The following COL15A1 variants were observed in gnomAD, a reference collection of about 807,000 sequenced individuals.
COL15A1 encodes the protein collagen type XV alpha 1 chain, also known as collagen alpha-1(XV) chain.
In COL15A1, 111 loss-of-function variants were observed where a neutral mutation model predicts 165.9. That is an observed-to-expected ratio of 0.67 (90% CI 0.57 to 0.78). The LOEUF is 0.78. Among genes scored for constraint, COL15A1 ranks in the 30% least tolerant of loss-of-function variants. The probability of loss-of-function intolerance (pLI) is 0.00; values close to 1 mark genes in which losing one functional copy is unlikely to be tolerated. For missense variants in COL15A1, 1,745 were observed against 1,789.7 expected, an observed-to-expected ratio of 0.98 and a Z score of 0.45; for synonymous variants, 659 against 674.8, an observed-to-expected ratio of 0.98 and a Z score of 0.36.
At chr9:99,061,121 T>C (rs1315945343) in intron 36 of COL15A1, among the ~76,000 whole-genome samples, 1 of 152,222 alleles carries the variant, frequency 6.6e-6, no homozygotes, top group African/African-American at 2.4e-5. Context: ...AAAATGCTCT[T>C]TGATCTTTGC....
At chr9:98,972,952 G>C (rs1179129169) in intron 2 of COL15A1, among the ~76,000 whole-genome samples, 1 of 152,240 alleles carries the variant, frequency 6.6e-6, no homozygotes, top group Non-Finnish European at 1.5e-5. Context: ...AGGATTCTGA[G>C]TGAGTGACTT....
intron 11 of COL15A1, among the ~76,000 whole-genome samples, chr9:99,017,933 C>T (rs1838965208): frequency 1.3e-5 from 2 of 152,224 alleles, no homozygotes; most frequent in South Asian, 4.1e-4. Context: ...TAATTATCAA[C>T]ACTGACAATC....
At chr9:99,029,652 G>A (rs4743312) in intron 16 of COL15A1, among the ~76,000 whole-genome samples, 50,314 of 152,030 alleles carry the variant, frequency 0.33, 9,493 homozygotes, top group East Asian at 0.65. Flanking sequence ...GGCTGGGTAC[G>A]GTGGCTCACT....
intron 39 of COL15A1, 32 bp downstream of exon 39, chr9:99,063,141 T>C: frequency 1.9e-6 from 3 of 1,564,378 alleles, no homozygotes; most frequent in Non-Finnish European, 2.6e-6. Context: ...AATCTTCAAA[T>C]ACTGAGTGTA....
At chr9:98,987,204 C>T (rs1588503046) in intron 3 of COL15A1, 90 bp from the exon 4 acceptor site, 6 of 1,253,128 alleles carry the variant, frequency 4.8e-6, no homozygotes, top group Admixed American at 3.6e-5. Flanking sequence ...TTTACCTGTT[C>T]GTCTCCATTG....
chr9:98,995,310 G>C (rs1002524249), intron 5 of COL15A1, among the ~76,000 whole-genome samples: 1 of 152,066 alleles, frequency 6.6e-6, no homozygotes, highest in African/African-American at 2.4e-5. Flanking sequence ...CTGCTGCCCT[G>C]GTTCCTGTCT....
At chr9:98,990,104 C>T (rs867607802) in intron 5 of COL15A1, among the ~76,000 whole-genome samples, 6 of 152,218 alleles carry the variant, frequency 3.9e-5, no homozygotes, top group African/African-American at 1.4e-4. Flanking sequence ...CAGGGCTGTG[C>T]ATGCAGCAGA....
intron 13 of COL15A1, among the ~76,000 whole-genome samples, chr9:99,022,719 G>A (rs1408563986): frequency 1.3e-5 from 2 of 152,228 alleles, no homozygotes; most frequent in African/African-American, 4.8e-5. Flanking sequence ...CTCAGGGGGT[G>A]CTCAGTACAC....
intron 6 of COL15A1, among the ~76,000 whole-genome samples, chr9:98,999,709 G>A (rs1838615572): frequency 6.6e-6 from 1 of 151,722 alleles, no homozygotes; most frequent in African/African-American, 2.4e-5. Context: ...TAGTAGAGAT[G>A]GGGTCTCGCT....
chr9:99,032,798 C>T (rs1839229336), intron 16 of COL15A1, among the ~76,000 whole-genome samples: 2 of 152,286 alleles, frequency 1.3e-5, no homozygotes, highest in African/African-American at 4.8e-5. Flanking sequence ...TTAGGTGTGT[C>T]TATTCTGTTA....
At chr9:99,020,782 G>T (rs753422910) in intron 12 of COL15A1, among the ~76,000 whole-genome samples, 1 of 152,218 alleles carries the variant, frequency 6.6e-6, no homozygotes, top group Non-Finnish European at 1.5e-5. Flanking sequence ...CGGGCTCTGG[G>T]CTCTGCCCCT....
In COL15A1 at chr9:98,944,266, G is replaced by T. The variant is rs1588484550; in HGVS notation, c.100+16G>T. 1 of 1,611,386 alleles carries T rather than the reference G, an allele frequency of 6.2e-7. No homozygotes were observed. The highest frequency in any genetic ancestry group is 2.2e-5 in the East Asian group (1 of 44,752). ...GGTGCGACAGGTAAGCAACCCGGTC[G>T]GAGGGTGGCACCGGCTGCCTCCGCG... is the stretch of plus-strand genomic sequence containing the variant. On this transcript the variant is annotated intron_variant, in intron 2 of 41. Transcript: ENST00000375001.
intron 15 of COL15A1, among the ~76,000 whole-genome samples, chr9:99,025,560 C>CGTCT (rs1839109513): frequency 2.0e-5 from 3 of 152,196 alleles, no homozygotes; most frequent in South Asian, 4.1e-4. Flanking sequence ...AGTCAAGAAG[C>CGTCT]GTCTGTACAG....
intron 31 of COL15A1, 102 bp downstream of exon 31, chr9:99,052,535 G>A (rs748406950): frequency 1.2e-5 from 11 of 946,788 alleles, no homozygotes; most frequent in Non-Finnish European, 1.9e-5. Context: ...GGTCAGGAAG[G>A]TCTAACTGGA....
At position 99,005,036 on chromosome 9, in the gene COL15A1, G is replaced by A. The variant is rs765633564; in HGVS notation, c.1339G>A (p.Glu447Lys). 6 of 1,608,824 alleles carry A rather than the reference G, an allele frequency of 3.7e-6. No homozygotes were observed. Among genetic ancestry groups the A allele is most frequent in the Non-Finnish European group, 5.1e-6 (6 of 1,177,622 alleles). The change falls in exon 9 of 42, where the codon GAA becomes AAA. Residue 447 changes from glutamate to lysine, a missense_variant. Coordinates refer to ENST00000375001, the MANE Select transcript of COL15A1 (RefSeq NM_001855.5). ...CTCCATGTCCGCCCAGAGCCTCGGGGAAGAGGCCACTGTGGTAAGGATCGT... is the reference window on the plus strand; with the variant it reads ...CTCCATGTCCGCCCAGAGCCTCGGGAAAGAGGCCACTGTGGTAAGGATCGT... ...DLSMSAQSLG[E>K]EATVGPSSED...
chr9:99,052,489 G>C (rs368182525), intron 31 of COL15A1, 56 bp downstream of exon 31: 6 of 1,430,930 alleles, frequency 4.2e-6, no homozygotes, highest in Non-Finnish European at 5.9e-6. Context: ...TGAGGAAGAT[G>C]GTTTTCCTTT....
chr9:99,025,073 G>C (rs1399900404), intron 15 of COL15A1, 74 bp downstream of exon 15: 1 of 1,369,274 alleles, frequency 7.3e-7, no homozygotes, highest in East Asian at 2.3e-5. Flanking sequence ...TGTACAGATT[G>C]CAAAACCCAG....
intron 2 of COL15A1, among the ~76,000 whole-genome samples, chr9:98,956,954 C>T (rs375113495): frequency 1.3e-5 from 2 of 152,190 alleles, no homozygotes; most frequent in Non-Finnish European, 2.9e-5. Context: ...TGCTTAAAAC[C>T]CTTTGCCATC....
chr9:99,013,924 GA>G lies in COL15A1; in HGVS notation c.1354-1486del, dbSNP rs955037774. Among the ~76,000 whole-genome samples, 6 of 152,098 alleles carry G rather than the reference GA, an allele frequency of 3.9e-5. No homozygotes were observed. In the East Asian group the frequency reaches 9.6e-4, roughly 24 times the overall value. ...TAGGGCGGAAGAAAAGTAAACGAAA[GA>G]AAAAAAGTTTTTAAGACAGGAAGCA... On this transcript the variant is annotated intron_variant, in intron 9 of 41. Coordinates refer to ENST00000375001, the MANE Select transcript of COL15A1 (RefSeq NM_001855.5).
Sources: allele counts gnomAD v4.1 joint callset (sites outside exome capture counted in the v4.1 genomes callset), GRCh38; gene constraint gnomAD v4.1.1; transcripts MANE v1.5; gene names NCBI Gene and HGNC (gene_info 2026-07-23, HGNC 2026-07-21).